Variants in FXR1 observed in about 807,000 individuals in gnomAD.
FXR1 encodes RNA-binding protein FXR1.
In FXR1, 15 loss-of-function variants were observed where a neutral mutation model predicts 84.0. The ratio of observed to expected loss-of-function variants is 0.18; its 90% confidence interval spans 0.12 to 0.27. FXR1 has a LOEUF of 0.27. FXR1 is among the 10% of genes least tolerant of loss of function. The probability of loss-of-function intolerance (pLI) is 1.00; values close to 1 mark genes in which losing one functional copy is unlikely to be tolerated. For missense variants in FXR1, 480 were observed against 774.4 expected (o/e 0.62, Z 4.51); for synonymous variants, 245 against 250.7 (o/e 0.98, Z 0.21).
At position 180,982,540 on chromosome 3, in the gene FXR1, ATGT is replaced by A. The variant is rs1463990505; in HGVS notation, c.*6253_*6255del. The A allele has an allele frequency of 1.3e-5, 2 of 152,162 alleles. No homozygotes were observed. Among genetic ancestry groups the A allele is most frequent in the Non-Finnish European group, 2.9e-5 (2 of 67,988 alleles). The allele number at this position is 152,162 out of a possible 1,614,324, so 9.4% of individuals were successfully genotyped here. The stretch of plus-strand genomic sequence containing the variant: ...TCTTAACACCTGTCTTAAAACGGGT[ATGT>A]TGTTTGCACTGAACCCTCAAAAGTA... On this transcript the variant is annotated 3_prime_UTR_variant, in exon 17 of 17. Transcript: ENST00000357559.
At chr3:180,922,351 C>G (rs1053029539) in intron 1 of FXR1, among the ~76,000 whole-genome samples, 1 of 152,028 alleles carries the variant, frequency 6.6e-6, no homozygotes, top group Non-Finnish European at 1.5e-5. Flanking sequence ...TAATTTTTGC[C>G]AGTCTGTTGG....
At chr3:180,966,474 A>AT (rs1292951000) in intron 13 of FXR1, among the ~76,000 whole-genome samples, 1 of 152,150 alleles carries the variant, frequency 6.6e-6, no homozygotes, top group African/African-American at 2.4e-5. Flanking sequence ...TCTTGTTTGC[A>AT]TTTTTCCTCA....
chr3:180,912,798 TTGG>T (rs1717375156), intron 1 of FXR1, 62 bp downstream of exon 1: 5 of 1,609,854 alleles, frequency 3.1e-6, no homozygotes, highest in African/African-American at 2.7e-5. Context: ...TGAGGGAGGG[TTGG>T]TGGTCCCAGA....
At chr3:180,925,454 G>A (rs996310059) in intron 1 of FXR1, among the ~76,000 whole-genome samples, 7 of 151,926 alleles carry the variant, frequency 4.6e-5, no homozygotes, top group Admixed American at 2.6e-4. Context: ...GTGCTTTCTA[G>A]ATTTTATCAG....
At chr3:180,962,972 G>T in intron 12 of FXR1, 32 bp downstream of exon 12, 1 of 1,609,708 alleles carries the variant, frequency 6.2e-7, no homozygotes. Flanking sequence ...CCACCAGAGG[G>T]CCTGAAAAAG....
chr3:180,980,209 G>A lies in FXR1; in HGVS notation c.*3917G>A, dbSNP rs1714544536. On this transcript the variant is annotated 3_prime_UTR_variant, in exon 17 of 17. Transcript: ENST00000357559. ...CTCATAAGGAGTATGCTGAATTTAA[G>A]TGGTGTTTGTTTTACATATGTATCC... 1 of 152,018 alleles carries A rather than the reference G, an allele frequency of 6.6e-6. No homozygotes were observed. The highest frequency in any genetic ancestry group is 2.4e-5 in the African/African-American group (1 of 41,412). 9.4% of individuals were successfully genotyped at this position (152,018 alleles called of 1,614,324 possible).
chr3:180,943,265 C>G lies in FXR1; in HGVS notation c.199-4600C>G, dbSNP rs1368352998. On this transcript the variant is annotated intron_variant, in intron 3 of 16. Coordinates refer to ENST00000357559, the MANE Select transcript of FXR1 (RefSeq NM_005087.4). The stretch of plus-strand genomic sequence containing the variant: ...TACAGGTGTGAGCCACTGTGCCCGG[C>G]TTTTTTTTTTTTTTTTTTTTTTTTT... Among the ~76,000 whole-genome samples, 3 of 27,652 alleles carry G rather than the reference C, an allele frequency of 1.1e-4. No individual in the cohort carries two copies. The South Asian group carries it at 8.7e-3, about 80-fold the overall frequency. 18.1% of individuals were successfully genotyped at this position (27,652 alleles called of 152,430 possible).
intron 15 of FXR1, among the ~76,000 whole-genome samples, 157 bp from the exon 16 acceptor site, chr3:180,975,156 T>C (rs1714071201): frequency 6.6e-6 from 1 of 152,230 alleles, no homozygotes; most frequent in African/African-American, 2.4e-5. Context: ...AGGTAGATTT[T>C]TAAAGCTTTG....
intron 1 of FXR1, among the ~76,000 whole-genome samples, chr3:180,925,639 A>G (rs774901797): frequency 4.6e-5 from 7 of 152,186 alleles, no homozygotes; most frequent in Non-Finnish European, 8.8e-5. Flanking sequence ...ACATGTGGCT[A>G]TCAGCTATTC....
intron 1 of FXR1, among the ~76,000 whole-genome samples, chr3:180,931,243 A>G (rs1159630004): frequency 6.6e-6 from 1 of 151,716 alleles, no homozygotes; most frequent in Non-Finnish European, 1.5e-5. Flanking sequence ...TTTGAGATGG[A>G]GTTTTGCTGT....
intron 9 of FXR1, chr3:180,954,068 A>G (rs759604146): frequency 2.6e-6 from 1 of 386,088 alleles, no homozygotes; most frequent in Non-Finnish European, 4.6e-6. Flanking sequence ...TGACTCACTA[A>G]TAAGGCCCAG....
chr3:180,971,884 A>C (rs1713632257), intron 15 of FXR1: 1 of 152,666 alleles, frequency 6.6e-6, no homozygotes, highest in Non-Finnish European at 1.5e-5. Context: ...ACCAGAAATA[A>C]ACCCCTTTCA....
At chr3:180,940,619 C>T (rs1721023010) in intron 3 of FXR1, among the ~76,000 whole-genome samples, 1 of 146,170 alleles carries the variant, frequency 6.8e-6, no homozygotes, top group African/African-American at 2.6e-5. Flanking sequence ...CGGTCTTGTC[C>T]AGGCTCTAGT....
chr3:180,939,526 G>C (rs1055856374), intron 3 of FXR1, among the ~76,000 whole-genome samples: 15 of 152,126 alleles, frequency 9.9e-5, no homozygotes, highest in African/African-American at 3.6e-4. Flanking sequence ...GGCTTGGAAA[G>C]TAGAGCTTCC....
chr3:180,948,247 G>C (rs1440754461), intron 4 of FXR1, 100 bp from the exon 5 acceptor site: 1 of 781,860 alleles, frequency 1.3e-6, no homozygotes, highest in Non-Finnish European at 2.1e-6. Flanking sequence ...CCACATGGGG[G>C]AGGGTCCGTT....
chr3:180,933,979 G>C (rs965330913), intron 2 of FXR1, among the ~76,000 whole-genome samples: 6 of 88,384 alleles, frequency 6.8e-5, no homozygotes, highest in African/African-American at 2.0e-4. Flanking sequence ...TAGTCATGGT[G>C]GGGGGGCGCC....
rs780658161 is a variant in FXR1, at chr3:180,935,096, A to G, written c.105-42A>G. On this transcript the variant is annotated intron_variant, in intron 2 of 16. Coordinates refer to ENST00000357559, the MANE Select transcript of FXR1 (RefSeq NM_005087.4). ...AAATATGCAACACCAGGCGTAGACT[A>G]TATATTTTTAAGTTGTTAATACACC... 7.8e-6 allele frequency: 7 copies of G among 894,188 alleles called. No homozygotes were observed. In the Admixed American group the frequency reaches 9.5e-5, roughly 12 times the overall value. 55.4% of individuals were successfully genotyped at this position (894,188 alleles called of 1,614,324 possible). A position where few individuals can be genotyped will look rare whatever the true frequency, so the allele number is the denominator to read the frequency against.
At chr3:180,939,082 ATGG>A (rs1333107823) in intron 3 of FXR1, among the ~76,000 whole-genome samples, 2 of 151,614 alleles carry the variant, frequency 1.3e-5, no homozygotes, top group Non-Finnish European at 2.9e-5. Context: ...TTTAGTAGAG[ATGG>A]TGTTTTGTGA....
At chr3:180,965,739 T>G (rs2108488234) in intron 13 of FXR1, among the ~76,000 whole-genome samples, 1 of 152,272 alleles carries the variant, frequency 6.6e-6, no homozygotes, top group East Asian at 1.9e-4. Flanking sequence ...AAACATTTAA[T>G]ATGTGTTATT....
Sources: allele counts gnomAD v4.1 joint callset (sites outside exome capture counted in the v4.1 genomes callset), GRCh38; gene constraint gnomAD v4.1.1; transcripts MANE v1.5; gene names NCBI Gene and HGNC (gene_info 2026-07-23, HGNC 2026-07-21).